Variants in PXDNL observed in about 807,000 individuals in gnomAD.
PXDNL encodes peroxidasin like.
A neutral mutation model predicts 150.8 loss-of-function variants in PXDNL; 145 were observed. The ratio of observed to expected loss-of-function variants is 0.96; its 90% CI spans 0.84 to 1.10. PXDNL has a LOEUF of 1.10. Ranked by LOEUF, PXDNL falls within the 50% of genes least tolerant of loss-of-function variation. The probability of loss-of-function intolerance (pLI) is 0.00; values close to 1 mark genes in which losing one functional copy is unlikely to be tolerated. For synonymous variants in PXDNL, 757 were observed against 725.7 expected, an observed-to-expected ratio of 1.04 and a Z score of -0.69; for missense variants, 2,087 against 1,873.9, an observed-to-expected ratio of 1.11 and a Z score of -2.10.
At chr8:51,395,137 C>G (rs1483201368) in intron 17 of PXDNL, among the ~76,000 whole-genome samples, 2 of 152,218 alleles carry the variant, frequency 1.3e-5, no homozygotes, top group Non-Finnish European at 2.9e-5. Flanking sequence ...GGGCCACTCC[C>G]AAGACCCTAG....
At chr8:51,600,617 TTA>T (rs1459429044) in intron 2 of PXDNL, among the ~76,000 whole-genome samples, 2 of 137,046 alleles carry the variant, frequency 1.5e-5, no homozygotes, top group African/African-American at 5.3e-5. Flanking sequence ...AGATAATAAA[TTA>T]TATCTTATAT....
intron 4 of PXDNL, among the ~76,000 whole-genome samples, chr8:51,514,386 T>TA (rs1167866463): frequency 6.6e-6 from 1 of 152,224 alleles, no homozygotes; most frequent in Non-Finnish European, 1.5e-5. Context: ...ATTTCAGATG[T>TA]AATAGAAAGT....
At chr8:51,435,349 A>G (rs1358919833) in intron 12 of PXDNL, among the ~76,000 whole-genome samples, 2 of 117,846 alleles carry the variant, frequency 1.7e-5, no homozygotes, top group Non-Finnish European at 3.5e-5. Context: ...AGTCCTCATC[A>G]GTGTTTTTTG....
intron 19 of PXDNL, among the ~76,000 whole-genome samples, chr8:51,350,152 C>G (rs10093325): frequency 0.04 from 6,027 of 151,916 alleles, 394 homozygotes; most frequent in African/African-American, 0.14. Context: ...AGAAAAAAAG[C>G]TTCCTTATGC....
chr8:51,796,162 C>G (rs1043386654), intron 1 of PXDNL, among the ~76,000 whole-genome samples: 1 of 151,948 alleles, frequency 6.6e-6, no homozygotes, highest in African/African-American at 2.4e-5. Context: ...TGAACCCCCA[C>G]AACTAGAAAG....
chr8:51,726,558 C>T (rs114681020), intron 1 of PXDNL, among the ~76,000 whole-genome samples: 4,032 of 152,246 alleles, frequency 0.026, 185 homozygotes, highest in African/African-American at 0.091. Context: ...CCTATAAGGC[C>T]TTTTTATTCA....
intron 1 of PXDNL, among the ~76,000 whole-genome samples, chr8:51,777,495 T>C (rs1284671694): frequency 6.6e-6 from 1 of 152,234 alleles, no homozygotes; most frequent in Non-Finnish European, 1.5e-5. Flanking sequence ...GTGGTCCACT[T>C]ATTTTCCAAG....
intron 1 of PXDNL, among the ~76,000 whole-genome samples, chr8:51,731,332 C>A (rs763941132): frequency 5.3e-5 from 8 of 152,218 alleles, no homozygotes; most frequent in Non-Finnish European, 1.0e-4. Context: ...CTTAAAGCTG[C>A]AAAATGATCT....
intron 21 of PXDNL, among the ~76,000 whole-genome samples, chr8:51,332,420 C>T (rs930543801): frequency 5.9e-5 from 9 of 152,208 alleles, no homozygotes; most frequent in Non-Finnish European, 8.8e-5. Flanking sequence ...ACACAAGGCT[C>T]ATCAATGATC....
At chr8:51,435,737 T>C in intron 12 of PXDNL, 1 of 369,676 alleles carries the variant, frequency 2.7e-6, no homozygotes, top group Admixed American at 3.4e-5. Flanking sequence ...AGATAGAGAC[T>C]GGATCCCAGG....
chr8:51,741,570 A>G (rs968407723), intron 1 of PXDNL, among the ~76,000 whole-genome samples: 5 of 152,350 alleles, frequency 3.3e-5, no homozygotes, highest in South Asian at 2.1e-4. Context: ...AGAAGAATCA[A>G]TCTAAGAAAT....
At chr8:51,808,700 G>T (rs987733897) in intron 1 of PXDNL, among the ~76,000 whole-genome samples, 4 of 152,114 alleles carry the variant, frequency 2.6e-5, no homozygotes, top group African/African-American at 4.8e-5. Context: ...CAAGTGCTGA[G>T]GGCTCAGGAC....
chr8:51,485,380 T>C (rs899390461), intron 5 of PXDNL, among the ~76,000 whole-genome samples: 1 of 152,212 alleles, frequency 6.6e-6, no homozygotes, highest in Non-Finnish European at 1.5e-5. Context: ...GACTCTCTTC[T>C]TGACCAAACT....
intron 2 of PXDNL, among the ~76,000 whole-genome samples, chr8:51,626,593 G>T (rs190933761): frequency 3.1e-4 from 47 of 152,264 alleles, no homozygotes; most frequent in Non-Finnish European, 5.6e-4. Context: ...GCTGCACTCG[G>T]TTTTTACCTA....
intron 15 of PXDNL, among the ~76,000 whole-genome samples, chr8:51,411,621 A>T (rs1586085028): frequency 6.6e-6 from 1 of 152,208 alleles, no homozygotes; most frequent in African/African-American, 2.4e-5. Flanking sequence ...GAACTCAAAA[A>T]TATATATTTT....
At chr8:51,683,020 T>G (rs1815787158) in intron 1 of PXDNL, among the ~76,000 whole-genome samples, 1 of 151,592 alleles carries the variant, frequency 6.6e-6, no homozygotes, top group African/African-American at 2.4e-5. Flanking sequence ...GAAGTGGAAT[T>G]TTTGGATCAT....
Position 51,320,113 on chromosome 8 carries a change from A to C in PXDNL, c.4261-91T>G, listed in dbSNP as rs374813495. 12 of 1,087,164 alleles carry C rather than the reference A, an allele frequency of 1.1e-5. No individual in the cohort carries two copies. In the African/African-American group the frequency reaches 2.0e-4, roughly 18 times the overall value. The allele number at this position is 1,087,164 out of a possible 1,614,324, so 67.3% of individuals were successfully genotyped here. ...AATGTTTCTTATAATACATAATCTAATAAGCTGACTGTCTCAATATAATAA... is the reference window on the plus strand; with the variant it reads ...AATGTTTCTTATAATACATAATCTACTAAGCTGACTGTCTCAATATAATAA... On this transcript the variant is annotated intron_variant, in intron 22 of 22. Transcript: ENST00000356297.
chr8:51,336,782 T>C (rs75291025), intron 21 of PXDNL, among the ~76,000 whole-genome samples: 404 of 152,340 alleles, frequency 2.7e-3, no homozygotes, highest in African/African-American at 9.2e-3. Flanking sequence ...TACATGTCAC[T>C]CAGTGTACAT....
At chr8:51,681,392 C>T (rs1329915646) in intron 1 of PXDNL, among the ~76,000 whole-genome samples, 1 of 152,210 alleles carries the variant, frequency 6.6e-6, no homozygotes, top group African/African-American at 2.4e-5. Flanking sequence ...TCTGAACTTT[C>T]TCTCCCACTT....
Sources: gnomAD v4.1 joint callset for allele counts (sites outside exome capture counted in the v4.1 genomes callset) on GRCh38, gnomAD v4.1.1 for gene constraint, MANE v1.5 for transcripts, NCBI Gene and HGNC (gene_info 2026-07-23, HGNC 2026-07-21) for gene names.